ATXN7L1: variants seen among roughly 807,000 people sequenced by gnomAD.
The protein encoded by ATXN7L1 is ataxin-7-like protein 1.
A neutral mutation model predicts 70.8 loss-of-function variants in ATXN7L1; 15 were observed. The observed-to-expected ratio is 0.21, with a 90% CI of 0.14 to 0.33. The LOEUF (loss-of-function observed/expected upper bound fraction) is 0.33. Ranked by LOEUF, ATXN7L1 falls within the 10% of genes least tolerant of loss-of-function variation. ATXN7L1 has a pLI of 1.00. For synonymous variants in ATXN7L1, 440 were observed against 445.1 expected (o/e 0.99, Z 0.14); for missense variants, 975 against 1,097.1 (o/e 0.89, Z 1.57).
intron 2 of ATXN7L1, among the ~76,000 whole-genome samples, chr7:105,854,384 C>T (rs1019870146): frequency 4.0e-5 from 6 of 149,672 alleles, no homozygotes; most frequent in Non-Finnish European, 7.4e-5. Flanking sequence ...GGCTGCTGAG[C>T]GTCTGTCAGG....
chr7:105,728,379 A>G (rs1796152476), intron 3 of ATXN7L1, among the ~76,000 whole-genome samples: 1 of 152,228 alleles, frequency 6.6e-6, no homozygotes, highest in Admixed American at 6.5e-5. Flanking sequence ...AATGGATAGC[A>G]TATGGTAGAT....
At chr7:105,867,075 C>A (rs1254434230) in intron 2 of ATXN7L1, among the ~76,000 whole-genome samples, 1 of 152,206 alleles carries the variant, frequency 6.6e-6, no homozygotes, top group African/African-American at 2.4e-5. Flanking sequence ...AATTCTGCAG[C>A]AGAGACGGCA....
rs574926867 is a variant in ATXN7L1, at chr7:105,665,048, G to A, written c.578+18C>T. On this transcript the variant is annotated intron_variant, in intron 4 of 11. Transcript: ENST00000419735. ...CAGGGGGGACAGACAGCAGCTGGCT[G>A]CCAGCCAGCTGACTCACCATGGTTT... 8 of 1,544,162 alleles carry A rather than the reference G, an allele frequency of 5.2e-6. No homozygotes were observed. The highest frequency in any genetic ancestry group is 2.7e-5 in the African/African-American group (2 of 72,944).
At chr7:105,698,042 C>CT (rs1171402467) in intron 3 of ATXN7L1, among the ~76,000 whole-genome samples, 1 of 152,174 alleles carries the variant, frequency 6.6e-6, no homozygotes, top group Non-Finnish European at 1.5e-5. Context: ...AGGATGGAGA[C>CT]TGAGCTTTTG....
At chr7:105,806,678 T>C (rs982234322) in intron 2 of ATXN7L1, among the ~76,000 whole-genome samples, 6 of 151,692 alleles carry the variant, frequency 4.0e-5, no homozygotes, top group African/African-American at 4.8e-5. Flanking sequence ...CACCAATAAA[T>C]AACAAGAAGA....
chr7:105,767,502 C>G (rs1477614382), intron 3 of ATXN7L1, among the ~76,000 whole-genome samples: 1 of 152,238 alleles, frequency 6.6e-6, no homozygotes, highest in African/African-American at 2.4e-5. Flanking sequence ...CAGCTTGTTT[C>G]TTCTCTGCCA....
intron 3 of ATXN7L1, among the ~76,000 whole-genome samples, chr7:105,735,196 A>T (rs1797246375): frequency 6.6e-6 from 1 of 152,182 alleles, no homozygotes; most frequent in Non-Finnish European, 1.5e-5. Flanking sequence ...AACATCTACA[A>T]TAATAATGAT....
intron 3 of ATXN7L1, among the ~76,000 whole-genome samples, chr7:105,670,069 C>T (rs749515057): frequency 1.3e-5 from 2 of 152,096 alleles, no homozygotes; most frequent in Non-Finnish European, 2.9e-5. Context: ...TACAAAAAGA[C>T]CTATTCAATC....
chr7:105,728,126 T>C (rs1247210569), intron 3 of ATXN7L1, among the ~76,000 whole-genome samples: 1 of 152,106 alleles, frequency 6.6e-6, no homozygotes. Flanking sequence ...GGTATTTCCT[T>C]AGATCTTAGG....
At chr7:105,792,383 G>A (rs1045065896) in intron 2 of ATXN7L1, among the ~76,000 whole-genome samples, 8 of 152,194 alleles carry the variant, frequency 5.3e-5, no homozygotes, top group Admixed American at 2.0e-4. Flanking sequence ...TGCCGATGGC[G>A]AGCAAAGACA....
chr7:105,826,689 A>T (rs1489396883), intron 2 of ATXN7L1, among the ~76,000 whole-genome samples: 1 of 152,176 alleles, frequency 6.6e-6, no homozygotes, highest in East Asian at 1.9e-4. Flanking sequence ...CCAAGAAAAA[A>T]ACAAAGCAAT....
At chr7:105,689,822 A>AG (rs1404757360) in intron 3 of ATXN7L1, among the ~76,000 whole-genome samples, 1 of 152,178 alleles carries the variant, frequency 6.6e-6, no homozygotes, top group Non-Finnish European at 1.5e-5. Context: ...TTAGCTTCTC[A>AG]GCTCCCCTGT....
chr7:105,794,666 G>A lies in ATXN7L1; in HGVS notation c.251-5958C>T, dbSNP rs967027550. On this transcript the variant is annotated intron_variant, in intron 2 of 11. Transcript: ENST00000419735. ...ATATTAATTTAAAATTATGGTTACCGCATCAATTATTGACCTAAGAACTTA... is the reference window on the plus strand; with the variant it reads ...ATATTAATTTAAAATTATGGTTACCACATCAATTATTGACCTAAGAACTTA... Among the ~76,000 whole-genome samples, 6 of 152,062 alleles carry A rather than the reference G, an allele frequency of 3.9e-5. No individual in the cohort carries two copies. In the South Asian group the frequency reaches 8.3e-4, roughly 21 times the overall value.
At chr7:105,618,485 A>C (rs1213130665) in intron 9 of ATXN7L1, among the ~76,000 whole-genome samples, 1 of 152,178 alleles carries the variant, frequency 6.6e-6, no homozygotes, top group Non-Finnish European at 1.5e-5. Flanking sequence ...ATTCAGACAC[A>C]AATGGGGCTC....
At chr7:105,733,657 TCCATCCATCCATCCATCCATCCAC>T (rs1563049167) in intron 3 of ATXN7L1, among the ~76,000 whole-genome samples, 5 of 84,706 alleles carry the variant, frequency 5.9e-5, no homozygotes, top group Admixed American at 1.3e-4. Context: ...CATCCATCCA[TCCATCCATCCATCCATCCATCCAC>T]CCATCCACCC....
intron 3 of ATXN7L1, among the ~76,000 whole-genome samples, chr7:105,733,652 A>T (rs1796947026): frequency 1.4e-5 from 2 of 140,282 alleles, no homozygotes. Flanking sequence ...CCATCCATCC[A>T]TCCATCCATC....
intron 3 of ATXN7L1, among the ~76,000 whole-genome samples, chr7:105,735,921 T>C (rs1007626780): frequency 6.6e-6 from 1 of 152,252 alleles, no homozygotes; most frequent in Admixed American, 6.5e-5. Flanking sequence ...ATTTTTGATA[T>C]TGTTTTATGG....
intron 11 of ATXN7L1, among the ~76,000 whole-genome samples, chr7:105,609,467 T>TA (rs1035918239): frequency 6.7e-6 from 1 of 148,486 alleles, no homozygotes; most frequent in African/African-American, 2.5e-5. Flanking sequence ...ATGCCTGGCC[T>TA]AAAAAAAATT....
In ATXN7L1 at chr7:105,606,982, T is replaced by C. The variant is rs1792789045; in HGVS notation, c.*870A>G. The C allele has an allele frequency of 6.6e-6, 1 of 152,304 alleles. No homozygotes were observed. The highest frequency in any genetic ancestry group is 2.1e-4 in the South Asian group (1 of 4,826). 9.4% of individuals were successfully genotyped at this position (152,304 alleles called of 1,614,324 possible). A position where few individuals can be genotyped will look rare whatever the true frequency, so the allele number is the denominator to read the frequency against. On this transcript the variant is annotated 3_prime_UTR_variant, in exon 12 of 12. Coordinates refer to ENST00000419735, the MANE Select transcript of ATXN7L1 (RefSeq NM_020725.2). Reference sequence around the variant, plus strand: ...ATTTCTCCCTCCTAGCTCACCCTGCTGTGGGCACTGGCACACTGATTCCTG... The same window carrying C: ...ATTTCTCCCTCCTAGCTCACCCTGCCGTGGGCACTGGCACACTGATTCCTG...
Sources: gnomAD v4.1 joint callset for allele counts (sites outside exome capture counted in the v4.1 genomes callset) on GRCh38, gnomAD v4.1.1 for gene constraint, MANE v1.5 for transcripts, NCBI Gene and HGNC (gene_info 2026-07-23, HGNC 2026-07-21) for gene names.